Variants in HIBADH observed in about 807,000 individuals in gnomAD.
The protein encoded by HIBADH is 3-hydroxyisobutyrate dehydrogenase, also known as 3-hydroxyisobutyrate dehydrogenase, mitochondrial.
Under a neutral mutation model 36.1 loss-of-function variants are expected in HIBADH, and 25 were observed. The ratio of observed to expected loss-of-function variants is 0.69; its 90% CI spans 0.50 to 0.97. The LOEUF (loss-of-function observed/expected upper bound fraction) is 0.97. Ranked by LOEUF, HIBADH falls within the 50% of genes least tolerant of loss-of-function variation. HIBADH has a pLI of 0.00. For missense variants in HIBADH, 421 were observed against 418.0 expected (o/e 1.01, Z -0.06); for synonymous variants, 160 against 149.5 (o/e 1.07, Z -0.51).
chr7:27,527,619 A>G (rs1048965542), intron 7 of HIBADH, among the ~76,000 whole-genome samples: 5 of 152,156 alleles, frequency 3.3e-5, no homozygotes, highest in African/African-American at 1.2e-4. Flanking sequence ...TCCTGCATTG[A>G]GCAAGTCTAT....
intron 4 of HIBADH, among the ~76,000 whole-genome samples, chr7:27,613,913 G>A (rs1376199057): frequency 6.6e-6 from 1 of 152,058 alleles, no homozygotes; most frequent in Non-Finnish European, 1.5e-5. Flanking sequence ...GCCCACCTTG[G>A]CCTCCCAAAG....
At chr7:27,602,345 G>C (rs1785144261) in intron 4 of HIBADH, among the ~76,000 whole-genome samples, 1 of 151,940 alleles carries the variant, frequency 6.6e-6, no homozygotes, top group African/African-American at 2.4e-5. Context: ...GAGATGTTTT[G>C]AATCTACTTA....
intron 4 of HIBADH, among the ~76,000 whole-genome samples, chr7:27,546,330 G>A (rs1172732985): frequency 1.3e-5 from 2 of 152,004 alleles, no homozygotes; most frequent in African/African-American, 4.8e-5. Flanking sequence ...TATTGCCCAG[G>A]TTGGTCTCAA....
At chr7:27,654,132 G>A (rs1449321948) in intron 1 of HIBADH, among the ~76,000 whole-genome samples, 1 of 152,072 alleles carries the variant, frequency 6.6e-6, no homozygotes, top group African/African-American at 2.4e-5. Context: ...TAACTGAAGA[G>A]TAGATACCAA....
intron 4 of HIBADH, among the ~76,000 whole-genome samples, chr7:27,606,068 C>T (rs1381015770): frequency 6.7e-6 from 1 of 148,232 alleles, no homozygotes; most frequent in Non-Finnish European, 1.5e-5. Flanking sequence ...TGTACATATG[C>T]ACATGACAAT....
At chr7:27,594,227 T>A (rs1197249656) in intron 4 of HIBADH, among the ~76,000 whole-genome samples, 1 of 146,338 alleles carries the variant, frequency 6.8e-6, no homozygotes, top group African/African-American at 2.5e-5. Flanking sequence ...CACTGCAACC[T>A]CCTCCTCCTG....
At position 27,577,719 on chromosome 7, in the gene HIBADH, G is replaced by A. The variant is rs149094744; in HGVS notation, c.485-34619C>T. On this transcript the variant is annotated intron_variant, in intron 4 of 7. Coordinates refer to ENST00000265395, the MANE Select transcript of HIBADH (RefSeq NM_152740.4). ...CAAATCAGTCAAGATAATCATCCTC[G>A]TTCCCTAAAGTAGTGGCAATGCTGT... Among the ~76,000 whole-genome samples, 495 of 152,154 alleles carry A rather than the reference G, an allele frequency of 3.3e-3. 6 individuals carry two copies. The highest frequency in any genetic ancestry group is 0.011 in the African/African-American group (464 of 41,500).
In HIBADH at chr7:27,662,800, C is replaced by G. The variant is rs1786451778; in HGVS notation, c.-12G>C. ...AAGGAGGCTGCCATGCTGCGCCCGCCCCTCTCCCCGCGGTGACCTCCGCCG... is the reference window on the plus strand; with the variant it reads ...AAGGAGGCTGCCATGCTGCGCCCGCGCCTCTCCCCGCGGTGACCTCCGCCG... On this transcript the variant is annotated 5_prime_UTR_variant, in exon 1 of 8. Transcript: ENST00000265395. 6.8e-7 allele frequency: 1 copy of G among 1,470,310 alleles called. No individual in the cohort carries two copies. Among genetic ancestry groups the G allele is most frequent in the Non-Finnish European group, 9.0e-7 (1 of 1,108,820 alleles). The allele number at this position is 1,470,310 out of a possible 1,614,324, so 91.1% of individuals were successfully genotyped here. A position where few individuals can be genotyped will look rare whatever the true frequency, so the allele number is the denominator to read the frequency against.
intron 4 of HIBADH, among the ~76,000 whole-genome samples, chr7:27,578,271 C>T (rs897037882): frequency 4.0e-5 from 6 of 151,478 alleles, no homozygotes; most frequent in Non-Finnish European, 8.8e-5. Context: ...TAGTATTGTA[C>T]ATTAGGGTTA....
chr7:27,595,953 A>C (rs977697111), intron 4 of HIBADH, among the ~76,000 whole-genome samples: 1 of 152,200 alleles, frequency 6.6e-6, no homozygotes, highest in Non-Finnish European at 1.5e-5. Context: ...TTTACTTCTT[A>C]TTAGACTAGA....
rs527805839 is a variant in HIBADH at position 27,567,782 on chromosome 7, T to C, written c.485-24682A>G. Among the ~76,000 whole-genome samples the C allele has an allele frequency of 6.6e-5, 10 of 152,328 alleles. No individual in the cohort carries two copies. The South Asian group carries it at 2.1e-3, about 32-fold the overall frequency. On this transcript the variant is annotated intron_variant, in intron 4 of 7. Transcript: ENST00000265395. ...TTTACTATTACTGCCTTTAATATTATAGTTGTCATCTGTATTACATTTACA... is the reference window on the plus strand; with the variant it reads ...TTTACTATTACTGCCTTTAATATTACAGTTGTCATCTGTATTACATTTACA...
At position 27,527,917 on chromosome 7, in the gene HIBADH, C is replaced by CTTTTTTTTTTTTTTTTTTT. The variant is rs1562609863; in HGVS notation, c.853-1546_853-1545insAAAAAAAAAAAAAAAAAAA. Among the ~76,000 whole-genome samples the CTTTTTTTTTTTTTTTTTTT allele has an allele frequency of 4.0e-3, 310 of 77,010 alleles. 128 individuals are homozygous for CTTTTTTTTTTTTTTTTTTT. Among genetic ancestry groups the CTTTTTTTTTTTTTTTTTTT allele is most frequent in the African/African-American group, 7.7e-3 (141 of 18,312 alleles). 50.5% of individuals were successfully genotyped at this position (77,010 alleles called of 152,430 possible). On this transcript the variant is annotated intron_variant, in intron 7 of 7. Transcript: ENST00000265395. The stretch of plus-strand genomic sequence containing the variant: ...AGGCATTTGCCACCACCACACCCAG[C>CTTTTTTTTTTTTTTTTTTT]GTTTTTTTTTTTTTTTTTTTTTTTT...
chr7:27,561,129 C>T (rs1393071903), intron 4 of HIBADH, among the ~76,000 whole-genome samples: 1 of 152,098 alleles, frequency 6.6e-6, no homozygotes, highest in Non-Finnish European at 1.5e-5. Flanking sequence ...CTGTTCAAAT[C>T]CTTTGTCCAT....
chr7:27,647,712 G>T, intron 2 of HIBADH: 1 of 414,304 alleles, frequency 2.4e-6, no homozygotes, highest in Non-Finnish European at 5.0e-6. Context: ...AACTTGTTGG[G>T]AAACAGAGGT....
chr7:27,570,433 T>C (rs1784611980), intron 4 of HIBADH, among the ~76,000 whole-genome samples: 1 of 152,190 alleles, frequency 6.6e-6, no homozygotes, highest in South Asian at 2.1e-4. Flanking sequence ...GAATTCTACA[T>C]GCATATGTAC....
intron 2 of HIBADH, among the ~76,000 whole-genome samples, chr7:27,633,724 C>CT (rs1785789060): frequency 2.0e-5 from 3 of 151,866 alleles, no homozygotes; most frequent in Admixed American, 2.0e-4. Flanking sequence ...TCTGCAAAGC[C>CT]TTTTTTCTCT....
chr7:27,594,001 C>T (rs1353188587), intron 4 of HIBADH, among the ~76,000 whole-genome samples: 3 of 147,556 alleles, frequency 2.0e-5, no homozygotes, highest in African/African-American at 7.5e-5. Flanking sequence ...CCAGCCTGGG[C>T]GACAGAGCGA....
At chr7:27,627,941 A>T (rs1338514341) in intron 4 of HIBADH, among the ~76,000 whole-genome samples, 1 of 152,186 alleles carries the variant, frequency 6.6e-6, no homozygotes, top group Non-Finnish European at 1.5e-5. Context: ...TTAAAAATCA[A>T]ATTGGTATTT....
intron 4 of HIBADH, among the ~76,000 whole-genome samples, chr7:27,546,184 CCTCAACTTCCCAGG>C (rs1671889539): frequency 6.6e-6 from 1 of 152,132 alleles, no homozygotes; most frequent in African/African-American, 2.4e-5. Context: ...CTCACTGCAG[CCTCAACTTCCCAGG>C]CTCAAGCAAT....
Sources: gnomAD v4.1 joint callset for allele counts (sites outside exome capture counted in the v4.1 genomes callset) on GRCh38, gnomAD v4.1.1 for gene constraint, MANE v1.5 for transcripts, NCBI Gene and HGNC (gene_info 2026-07-23, HGNC 2026-07-21) for gene names.